Variants in UNC5C observed in about 807,000 individuals in gnomAD.
UNC5C encodes the protein netrin receptor UNC5C.
Under a neutral mutation model 99.8 loss-of-function variants are expected in UNC5C, and 47 were observed. That is an observed-to-expected ratio of 0.47 (90% CI 0.37 to 0.60). The LOEUF (loss-of-function observed/expected upper bound fraction) is 0.60. Ranked by LOEUF, UNC5C falls within the 20% of genes least tolerant of loss-of-function variation. The probability of loss-of-function intolerance (pLI) is 0.00; values close to 1 mark genes in which losing one functional copy is unlikely to be tolerated. For missense variants in UNC5C, 1,062 were observed against 1,165.9 expected, an observed-to-expected ratio of 0.91 and a Z score of 1.30; for synonymous variants, 487 against 452.2, an observed-to-expected ratio of 1.08 and a Z score of -0.98.
chr4:95,220,092 G>A lies in UNC5C; in HGVS notation c.1193C>T (p.Ala398Val). The A allele has an allele frequency of 6.2e-7, 1 of 1,614,060 alleles. No individual in the cohort carries two copies. Among genetic ancestry groups the A allele is most frequent in the Non-Finnish European group, 8.5e-7 (1 of 1,179,994 alleles). Residue 398 changes from alanine (A) to valine (V), a missense_variant, in exon 8 of 16, where the codon GCC (alanine) becomes GTC (valine). Ala to Val is a moderately conservative substitution (Grantham distance 64, BLOSUM62 0). This residue lies in a region of UNC5C where 810 missense variants were observed against 854.5 expected (regional missense o/e 0.95). Transcript: ENST00000453304. ...ATGATTCTTCCGATACACAAACAAG[G>A]CCACAACTACAGAGATCGCCAGGCA... ...IVCLAISVVV[A>V]LFVYRKNHRD...
At chr4:95,210,923 C>T (rs1456456337) in intron 10 of UNC5C, among the ~76,000 whole-genome samples, 2 of 152,216 alleles carry the variant, frequency 1.3e-5, no homozygotes, top group African/African-American at 4.8e-5. Flanking sequence ...CAGTGTATGT[C>T]TATTACCTCT....
chr4:95,478,083 T>C (rs1397032509), intron 1 of UNC5C, among the ~76,000 whole-genome samples: 2 of 152,050 alleles, frequency 1.3e-5, no homozygotes, highest in East Asian at 1.9e-4. Context: ...AGCTCACTCC[T>C]ACCACTCCCA....
intron 3 of UNC5C, among the ~76,000 whole-genome samples, chr4:95,291,630 T>TATG (rs1741454341): frequency 2.6e-5 from 4 of 152,168 alleles, no homozygotes; most frequent in African/African-American, 7.2e-5. Flanking sequence ...TCTGACCATC[T>TATG]ACAAAAGCAA....
intron 5 of UNC5C, chr4:95,248,211 G>GA (rs1326329581): frequency 4.1e-6 from 1 of 242,474 alleles, no homozygotes; most frequent in Non-Finnish European, 8.1e-6. Context: ...ACTCTTTTAG[G>GA]ATTTTTTTTT....
At chr4:95,391,120 C>T (rs1745347757) in intron 1 of UNC5C, among the ~76,000 whole-genome samples, 2 of 152,188 alleles carry the variant, frequency 1.3e-5, no homozygotes. Flanking sequence ...TGTGTCTTTG[C>T]TCCTTCTTCA....
rs375620065 is a variant in UNC5C at position 95,291,523 on chromosome 4, T to A, written c.490+10083A>T. Among the ~76,000 whole-genome samples the A allele has an allele frequency of 9.2e-5, 14 of 152,356 alleles. No individual in the cohort carries two copies. In the South Asian group the frequency reaches 2.9e-3, roughly 32 times the overall value. On this transcript the variant is annotated intron_variant, in intron 3 of 15. Coordinates refer to ENST00000453304, the MANE Select transcript of UNC5C (RefSeq NM_003728.4). ...ATGATTTCCCCCAAAATATGACTTA[T>A]GAGACTGTGTTCTATGAATTCGTTG...
chr4:95,451,045 A>C (rs1747266393), intron 1 of UNC5C, among the ~76,000 whole-genome samples: 1 of 152,224 alleles, frequency 6.6e-6, no homozygotes, highest in African/African-American at 2.4e-5. Flanking sequence ...CAATGTAAAA[A>C]CTACATTTGT....
At chr4:95,474,357 C>T (rs1040398411) in intron 1 of UNC5C, among the ~76,000 whole-genome samples, 8 of 152,128 alleles carry the variant, frequency 5.3e-5, no homozygotes, top group Admixed American at 2.0e-4. Context: ...GTGGTGCAAT[C>T]TCTGCTCACT....
intron 7 of UNC5C, among the ~76,000 whole-genome samples, chr4:95,234,155 A>C (rs1408347446): frequency 6.6e-6 from 1 of 152,096 alleles, no homozygotes; most frequent in Non-Finnish European, 1.5e-5. Flanking sequence ...AGCCTATTTC[A>C]AAAATATATT....
At chr4:95,531,690 A>T (rs1344994773) in intron 1 of UNC5C, among the ~76,000 whole-genome samples, 1 of 152,220 alleles carries the variant, frequency 6.6e-6, no homozygotes, top group Non-Finnish European at 1.5e-5. Context: ...ACAGGGAAAC[A>T]CTGGGTTTAA....
rs536695753 is a variant in UNC5C at position 95,350,416 on chromosome 4, G to A, written c.125-14785C>T. On this transcript the variant is annotated intron_variant, in intron 1 of 15. Transcript: ENST00000453304. ...GCAGGAGAATCACTTGAACCCTTGA[G>A]GGGGAGGTTGTAGTGAGCTGAGATC... 2.2e-4 allele frequency among the ~76,000 whole-genome samples: 33 copies of A among 152,122 alleles called. No homozygotes were observed. In the East Asian group the frequency reaches 4.7e-3, roughly 22 times the overall value.
chr4:95,541,780 G>T (rs1297307447), intron 1 of UNC5C, among the ~76,000 whole-genome samples: 1 of 151,844 alleles, frequency 6.6e-6, no homozygotes, highest in Non-Finnish European at 1.5e-5. Context: ...GTTTTTATTG[G>T]AAAGAAATAT....
chr4:95,256,714 A>ATATATATATATATATATG (rs1579272889), intron 4 of UNC5C, among the ~76,000 whole-genome samples: 1 of 127,300 alleles, frequency 7.9e-6, no homozygotes, highest in Non-Finnish European at 1.8e-5. Context: ...ATATATATAT[A>ATATATATATATATATATG]TATATATGAG....
intron 1 of UNC5C, among the ~76,000 whole-genome samples, chr4:95,531,239 T>A (rs1722634288): frequency 6.6e-6 from 1 of 152,234 alleles, no homozygotes; most frequent in Admixed American, 6.5e-5. Flanking sequence ...AGTCTTGAAG[T>A]CTTTCCTAAA....
Position 95,324,912 on chromosome 4 carries a change from C to T in UNC5C, c.346+10498G>A, listed in dbSNP as rs538707795. Among the ~76,000 whole-genome samples the T allele has an allele frequency of 3.8e-4, 58 of 152,288 alleles. No individual in the cohort carries two copies. In the Middle Eastern group the frequency reaches 0.01, roughly 27 times the overall value. On this transcript the variant is annotated intron_variant, in intron 2 of 15. Coordinates refer to ENST00000453304, the MANE Select transcript of UNC5C (RefSeq NM_003728.4). Reference sequence around the variant, plus strand: ...AAACTACCCAGGCTGTGGTATTTTGCTACAGCAGCCCAAATGGATTAAGAT... The same window carrying T: ...AAACTACCCAGGCTGTGGTATTTTGTTACAGCAGCCCAAATGGATTAAGAT...
At chr4:95,327,420 A>G (rs1041462428) in intron 2 of UNC5C, among the ~76,000 whole-genome samples, 6 of 152,072 alleles carry the variant, frequency 3.9e-5, no homozygotes, top group Non-Finnish European at 7.4e-5. Context: ...ATTGAAAAAA[A>G]CTCAAACAAT....
Position 95,222,658 on chromosome 4 carries a change from G to GT in UNC5C, c.1109-2483dup, listed in dbSNP as rs558936018. On this transcript the variant is annotated intron_variant, in intron 7 of 15. Transcript: ENST00000453304. ...GACATATTCAGTAAGGCTCTAAACA[G>GT]TTTTTTTTTCTTTTTTATTTAATCA... Among the ~76,000 whole-genome samples, 174 of 151,418 alleles carry GT rather than the reference G, an allele frequency of 1.1e-3. 1 individual carries two copies. Among genetic ancestry groups the GT allele is most frequent in the African/African-American group, 3.3e-3 (138 of 41,314 alleles).
intron 7 of UNC5C, among the ~76,000 whole-genome samples, chr4:95,223,249 T>C (rs1329277115): frequency 6.6e-6 from 1 of 152,226 alleles, no homozygotes; most frequent in Non-Finnish European, 1.5e-5. Context: ...CAAGATTTAC[T>C]ATTCTGCTAC....
intron 1 of UNC5C, among the ~76,000 whole-genome samples, chr4:95,511,760 G>GACGAGATGTCGTCGAGACATGTCGAC (rs1722081915): frequency 6.6e-6 from 1 of 152,016 alleles, no homozygotes; most frequent in Non-Finnish European, 1.5e-5. Context: ...CGTACATGTG[G>GACGAGATGTCGTCGAGACATGTCGAC]GAGAAAGATG....
Sources: gnomAD v4.1 joint callset for allele counts (sites outside exome capture counted in the v4.1 genomes callset) on GRCh38, gnomAD v4.1.1 for gene constraint, gnomAD v4.1.1 regional missense constraint, MANE v1.5 for transcripts, NCBI Gene and HGNC (gene_info 2026-07-23, HGNC 2026-07-21) for gene names.